Variants in BACH2 observed in about 807,000 individuals in gnomAD.
BACH2 encodes the protein transcription regulator protein BACH2.
In BACH2, 5 loss-of-function variants were observed where a neutral mutation model predicts 61.8. That is an observed-to-expected ratio of 0.08 (90% CI 0.04 to 0.17). The LOEUF (loss-of-function observed/expected upper bound fraction) is 0.17. Ranked by LOEUF, BACH2 falls within the 10% of genes least tolerant of loss-of-function variation. The pLI, the probability that BACH2 is intolerant of heterozygous loss-of-function variation, is 1.00. For missense variants in BACH2, 824 were observed against 1,091.1 expected (o/e 0.76, Z 3.45); for synonymous variants, 446 against 440.1 (o/e 1.01, Z -0.17).
chr6:89,956,342 A>G (rs1774427020), intron 6 of BACH2, among the ~76,000 whole-genome samples: 1 of 152,058 alleles, frequency 6.6e-6, no homozygotes, highest in South Asian at 2.1e-4. Flanking sequence ...AACCTCCCAC[A>G]GACTGCTTCC....
intron 5 of BACH2, among the ~76,000 whole-genome samples, chr6:90,062,417 G>C (rs999037313): frequency 1.5e-5 from 2 of 135,480 alleles, no homozygotes; most frequent in African/African-American, 5.2e-5. Flanking sequence ...CAGCTAAAGA[G>C]GTCTTAGAGG....
At chr6:90,004,433 C>T (rs189197281) in intron 6 of BACH2, among the ~76,000 whole-genome samples, 108 of 152,280 alleles carry the variant, frequency 7.1e-4, no homozygotes, top group Non-Finnish European at 1.2e-3. Context: ...TGCATGAACC[C>T]GTCCCCTTCT....
chr6:90,262,234 C>T (rs1419990345), intron 2 of BACH2, among the ~76,000 whole-genome samples: 1 of 152,196 alleles, frequency 6.6e-6, no homozygotes, highest in African/African-American at 2.4e-5. Flanking sequence ...ATGTTTCATG[C>T]TTCTATGGCC....
At chr6:90,014,929 C>A (rs1380728850) in intron 5 of BACH2, among the ~76,000 whole-genome samples, 1 of 149,958 alleles carries the variant, frequency 6.7e-6, no homozygotes, top group Admixed American at 6.7e-5. Flanking sequence ...ATAGGCCGTG[C>A]CACCATGTTC....
chr6:90,151,539 C>T (rs1389050497), intron 4 of BACH2, among the ~76,000 whole-genome samples: 1 of 152,218 alleles, frequency 6.6e-6, no homozygotes, highest in African/African-American at 2.4e-5. Flanking sequence ...GATGTTCCCA[C>T]CTTGGTCTCC....
intron 3 of BACH2, among the ~76,000 whole-genome samples, chr6:90,210,312 AACACACACAC>A (rs3072671): frequency 0.31 from 46,321 of 147,160 alleles, 8,139 homozygotes; most frequent in Non-Finnish European, 0.41. Context: ...ACCCCAAAAC[AACACACACAC>A]ACACACACAC....
chr6:90,136,228 TTTC>T (rs763157950), intron 4 of BACH2, among the ~76,000 whole-genome samples: 25 of 152,318 alleles, frequency 1.6e-4, no homozygotes, highest in South Asian at 4.1e-4. Context: ...CATAATTGAC[TTTC>T]TTCTTCTTTT....
At chr6:89,935,394 A>C (rs1293279457) in intron 8 of BACH2, among the ~76,000 whole-genome samples, 1 of 152,206 alleles carries the variant, frequency 6.6e-6, no homozygotes, top group African/African-American at 2.4e-5. Flanking sequence ...TCATTCTGCC[A>C]CATTACCCCG....
chr6:90,187,785 A>T lies in BACH2; in HGVS notation c.-162+18784T>A, dbSNP rs76644315. On this transcript the variant is annotated intron_variant, in intron 4 of 8. Transcript: ENST00000257749. ...CCTACTATGGGTCAGGATCTGTCGT[A>T]GGCACTTTTACATTAGTGGTTTCAT... Among the ~76,000 whole-genome samples the T allele has an allele frequency of 6.9e-3, 1,044 of 152,344 alleles. 13 individuals are homozygous for T. Among genetic ancestry groups the T allele is most frequent in the African/African-American group, 0.024 (981 of 41,574 alleles).
intron 5 of BACH2, among the ~76,000 whole-genome samples, chr6:90,051,658 T>C (rs1780052981): frequency 6.6e-6 from 1 of 152,222 alleles, no homozygotes. Flanking sequence ...TTCAATTTAA[T>C]TAATTCTGTT....
intron 5 of BACH2, among the ~76,000 whole-genome samples, chr6:90,057,532 T>A (rs1452994339): frequency 6.6e-6 from 1 of 152,226 alleles, no homozygotes; most frequent in African/African-American, 2.4e-5. Context: ...CACAGCCGAA[T>A]TCTACCAGAG....
At chr6:90,180,262 T>G (rs757725023) in intron 4 of BACH2, among the ~76,000 whole-genome samples, 6 of 152,160 alleles carry the variant, frequency 3.9e-5, no homozygotes, top group Non-Finnish European at 8.8e-5. Flanking sequence ...AATTTATTAT[T>G]CAAAATTCCA....
intron 6 of BACH2, among the ~76,000 whole-genome samples, chr6:89,963,401 C>T (rs1774866439): frequency 6.6e-6 from 1 of 152,146 alleles, no homozygotes; most frequent in Non-Finnish European, 1.5e-5. Flanking sequence ...TCAAGTGCTC[C>T]TCCCATCTCA....
chr6:89,934,896 C>T lies in BACH2; in HGVS notation c.2044-2006G>A, dbSNP rs536184378. Among the ~76,000 whole-genome samples, 5 of 152,028 alleles carry T rather than the reference C, an allele frequency of 3.3e-5. No homozygotes were observed. In the South Asian group the frequency reaches 6.2e-4, roughly 19 times the overall value. ...TCTCCGACACGGGAGCTGCATGTGC[C>T]GTAACATGAATGCAATCTGGCAGGC... On this transcript the variant is annotated intron_variant, in intron 8 of 8. Transcript: ENST00000257749.
intron 4 of BACH2, among the ~76,000 whole-genome samples, chr6:90,135,646 TGAGGCTACAGTGAGC>T (rs2127824940): frequency 6.6e-6 from 1 of 152,214 alleles, no homozygotes; most frequent in East Asian, 1.9e-4. Context: ...CCCAGGAGGT[TGAGGCTACAGTGAGC>T]TGTGATCATG....
At chr6:90,267,944 C>T (rs1771393531) in intron 2 of BACH2, among the ~76,000 whole-genome samples, 1 of 151,128 alleles carries the variant, frequency 6.6e-6, no homozygotes, top group East Asian at 1.9e-4. Context: ...ATGCATTGTC[C>T]TACAATTTTT....
At chr6:90,165,020 G>C (rs191388248) in intron 4 of BACH2, among the ~76,000 whole-genome samples, 7 of 152,152 alleles carry the variant, frequency 4.6e-5, no homozygotes, top group Admixed American at 4.6e-4. Flanking sequence ...GGGATGCCCT[G>C]TCTCACCACT....
At chr6:90,129,990 C>T (rs1451750509) in intron 4 of BACH2, among the ~76,000 whole-genome samples, 3 of 152,178 alleles carry the variant, frequency 2.0e-5, no homozygotes, top group African/African-American at 7.2e-5. Context: ...CTGCCTCAGC[C>T]TCCCGAGTAG....
rs539946494 is a variant in BACH2 at position 90,171,419 on chromosome 6, GA to G, written c.-162+35149del. Among the ~76,000 whole-genome samples the G allele has an allele frequency of 2.4e-4, 32 of 131,830 alleles. 1 individual carries two copies. The East Asian group carries it at 3.6e-3, about 15-fold the overall frequency. 86.5% of individuals were successfully genotyped at this position (131,830 alleles called of 152,430 possible). ...CAAAGTGAGACTCTTGTCTCAAGAAGAAAAAAAAAAACAAAACCCCACAAAA... is the reference window on the plus strand; with the variant it reads ...CAAAGTGAGACTCTTGTCTCAAGAAGAAAAAAAAAACAAAACCCCACAAAA... On this transcript the variant is annotated intron_variant, in intron 4 of 8. Transcript: ENST00000257749.
Sources: allele counts gnomAD v4.1 joint callset (sites outside exome capture counted in the v4.1 genomes callset), GRCh38; gene constraint gnomAD v4.1.1; transcripts MANE v1.5; gene names NCBI Gene and HGNC (gene_info 2026-07-23, HGNC 2026-07-21).